ADGRB3: variants seen among roughly 807,000 people sequenced by gnomAD.
ADGRB3 encodes adhesion G protein-coupled receptor B3.
ADGRB3 carries 37 observed loss-of-function variants against 193.4 expected under a neutral mutation model. The observed-to-expected ratio is 0.19, with a 90% CI of 0.15 to 0.25. The LOEUF (loss-of-function observed/expected upper bound fraction) is 0.25, where lower values mean the gene tolerates loss of function less well. ADGRB3 is among the 10% of genes least tolerant of loss of function. The probability of loss-of-function intolerance (pLI) is 1.00; values close to 1 mark genes in which losing one functional copy is unlikely to be tolerated. For synonymous variants in ADGRB3, 690 were observed against 644.2 expected, an observed-to-expected ratio of 1.07 and a Z score of -1.08; for missense variants, 1,637 against 1,852.9, an observed-to-expected ratio of 0.88 and a Z score of 2.14.
Position 69,113,039 on chromosome 6 carries a change from C to T in ADGRB3, c.2480+37001C>T, listed in dbSNP as rs913397249. ...TCCCAAAGTGCTGGGATTACAGGCG[C>T]GAGCCACTATGCCCGGCTGAGATAA... On this transcript the variant is annotated intron_variant, in intron 17 of 31. Transcript: ENST00000370598. 4.0e-5 allele frequency among the ~76,000 whole-genome samples: 6 copies of T among 151,530 alleles called. No individual in the cohort carries two copies. The East Asian group carries it at 7.8e-4, about 20-fold the overall frequency.
At chr6:68,928,667 C>T (rs1044375068) in intron 3 of ADGRB3, among the ~76,000 whole-genome samples, 2 of 152,268 alleles carry the variant, frequency 1.3e-5, no homozygotes, top group African/African-American at 2.4e-5. Context: ...ACAGGTTATA[C>T]AGTTATTTAC....
At chr6:69,292,480 G>A (rs1422679549) in intron 20 of ADGRB3, among the ~76,000 whole-genome samples, 2 of 152,086 alleles carry the variant, frequency 1.3e-5, no homozygotes, top group Admixed American at 1.3e-4. Context: ...GCATTAGTTT[G>A]TATATGAATG....
At chr6:69,307,541 T>G (rs945692085) in intron 20 of ADGRB3, among the ~76,000 whole-genome samples, 1 of 151,654 alleles carries the variant, frequency 6.6e-6, no homozygotes, top group Admixed American at 6.6e-5. Flanking sequence ...TTTCTTCACC[T>G]TTCTGTGACA....
intron 13 of ADGRB3, among the ~76,000 whole-genome samples, chr6:69,032,530 C>T (rs1462381695): frequency 6.6e-6 from 1 of 152,148 alleles, no homozygotes; most frequent in Non-Finnish European, 1.5e-5. Context: ...GCCTATTTAA[C>T]AATAACCCGT....
chr6:68,794,299 T>G lies in ADGRB3; in HGVS notation c.758-136260T>G, dbSNP rs1481948381. On this transcript the variant is annotated intron_variant, in intron 3 of 31. Transcript: ENST00000370598. ...ATGTGATGTTAAGCTCTTCTTAATA[T>G]TTTGAATATATATATATATAAAATA... is the stretch of plus-strand genomic sequence containing the variant. 3.3e-5 allele frequency among the ~76,000 whole-genome samples: 5 copies of G among 151,868 alleles called. No homozygotes were observed. In the East Asian group the frequency reaches 9.6e-4, roughly 29 times the overall value.
intron 3 of ADGRB3, among the ~76,000 whole-genome samples, chr6:68,698,202 G>T (rs867790085): frequency 1.3e-5 from 2 of 151,806 alleles, no homozygotes; most frequent in Middle Eastern, 3.4e-3. Flanking sequence ...TGATTTCATT[G>T]AATTGTCTTG....
intron 20 of ADGRB3, among the ~76,000 whole-genome samples, chr6:69,257,565 G>C (rs919012056): frequency 6.6e-6 from 1 of 152,000 alleles, no homozygotes; most frequent in African/African-American, 2.4e-5. Flanking sequence ...TGATGTTTGA[G>C]GTAAACAAAA....
intron 17 of ADGRB3, among the ~76,000 whole-genome samples, chr6:69,199,795 G>C (rs1765381720): frequency 6.6e-6 from 1 of 152,056 alleles, no homozygotes; most frequent in Admixed American, 6.6e-5. Context: ...AATTATTTGA[G>C]CTCTCTGTTC....
chr6:68,958,870 A>AGT (rs66559521), intron 8 of ADGRB3, among the ~76,000 whole-genome samples: 10,643 of 146,884 alleles, frequency 0.072, 388 homozygotes, highest in Non-Finnish European at 0.088. Flanking sequence ...AAAGAAAAAT[A>AGT]GTGTGTGTGT....
chr6:69,145,739 C>T (rs1048677374), intron 17 of ADGRB3, among the ~76,000 whole-genome samples: 1 of 141,938 alleles, frequency 7.0e-6, no homozygotes, highest in African/African-American at 2.6e-5. Flanking sequence ...ACTGGGATAC[C>T]CTGGCTGCAG....
At chr6:68,989,932 T>C (rs935839645) in intron 10 of ADGRB3, among the ~76,000 whole-genome samples, 2 of 152,142 alleles carry the variant, frequency 1.3e-5, no homozygotes, top group African/African-American at 2.4e-5. Flanking sequence ...AAATAAGATA[T>C]ATGATATCAG....
intron 3 of ADGRB3, among the ~76,000 whole-genome samples, chr6:68,757,994 C>G (rs1766328404): frequency 6.6e-6 from 1 of 151,966 alleles, no homozygotes; most frequent in African/African-American, 2.4e-5. Flanking sequence ...GTGTCCCTTC[C>G]CTGTCGCTAA....
At chr6:69,117,035 G>A (rs188927365) in intron 17 of ADGRB3, among the ~76,000 whole-genome samples, 1 of 152,048 alleles carries the variant, frequency 6.6e-6, no homozygotes, top group Admixed American at 6.5e-5. Context: ...ATTATTTTTT[G>A]TCTTATTACA....
chr6:68,778,890 A>G (rs1766800421), intron 3 of ADGRB3, among the ~76,000 whole-genome samples: 1 of 152,024 alleles, frequency 6.6e-6, no homozygotes, highest in Admixed American at 6.6e-5. Context: ...TCCAAGGATC[A>G]GTGTAGCAAA....
intron 3 of ADGRB3, among the ~76,000 whole-genome samples, chr6:68,812,824 AG>A (rs1236141510): frequency 6.8e-5 from 9 of 132,328 alleles, no homozygotes; most frequent in South Asian, 2.3e-4. Flanking sequence ...TCCCTCCCCT[AG>A]CCCCCCAACC....
At chr6:68,729,234 G>A (rs549967498) in intron 3 of ADGRB3, among the ~76,000 whole-genome samples, 1 of 151,642 alleles carries the variant, frequency 6.6e-6, no homozygotes, top group Admixed American at 6.6e-5. Context: ...GCTTTCCTTG[G>A]TAGCTTTCCT....
intron 26 of ADGRB3, 69 bp downstream of exon 26, chr6:69,339,573 C>T (rs1768932587): frequency 1.3e-6 from 2 of 1,483,700 alleles, no homozygotes; most frequent in East Asian, 4.5e-5. Context: ...AAAGAATGAT[C>T]TTTTAATATC....
chr6:68,825,211 C>T (rs1338241025), intron 3 of ADGRB3, among the ~76,000 whole-genome samples: 1 of 151,906 alleles, frequency 6.6e-6, no homozygotes, highest in Non-Finnish European at 1.5e-5. Flanking sequence ...GTAAATTAAT[C>T]TCATGGTTGC....
chr6:69,270,516 A>G (rs1767149944), intron 20 of ADGRB3, among the ~76,000 whole-genome samples: 1 of 152,198 alleles, frequency 6.6e-6, no homozygotes, highest in African/African-American at 2.4e-5. Context: ...ACTATATACT[A>G]TTTTGAAAGA....
Sources: allele counts gnomAD v4.1 joint callset (sites outside exome capture counted in the v4.1 genomes callset), GRCh38; gene constraint gnomAD v4.1.1; transcripts MANE v1.5; gene names NCBI Gene and HGNC (gene_info 2026-07-23, HGNC 2026-07-21).